The following REPS2 variants were observed in gnomAD, a reference collection of about 807,000 sequenced individuals.
REPS2 encodes RALBP1 associated Eps domain containing 2.
REPS2 carries 23 observed loss-of-function variants against 53.6 expected under a neutral mutation model. That is an observed-to-expected ratio of 0.43 (90% CI 0.31 to 0.61). The LOEUF is 0.61. Ranked by LOEUF, REPS2 falls within the 20% of genes least tolerant of loss-of-function variation. REPS2 has a pLI of 0.11. For missense variants in REPS2, 446 were observed against 534.9 expected (o/e 0.83, Z 1.64); for synonymous variants, 238 against 218.6 (o/e 1.09, Z -0.78).
intron 17 of REPS2, 151 bp downstream of exon 17, chrX:17,139,112 T>A (rs2063411008): frequency 2.8e-6 from 1 of 361,428 alleles, no homozygotes; most frequent in Non-Finnish European, 4.7e-6. Context: ...AGTGATCTGA[T>A]GTGTCCATTG....
chrX:17,105,917 C>CTTGTGATA (rs774894276), intron 14 of REPS2, among the ~76,000 whole-genome samples: 17 of 111,949 alleles, frequency 1.5e-4, no homozygotes, highest in African/African-American at 3.9e-4. Context: ...TAGTCTTTCC[C>CTTGTGATA]AAACTGCTTG....
At chrX:17,087,828 G>A (rs1453125629) in intron 13 of REPS2, among the ~76,000 whole-genome samples, 3 of 110,445 alleles carry the variant, frequency 2.7e-5, no homozygotes, top group Non-Finnish European at 5.7e-5. Flanking sequence ...CCAGCTATTC[G>A]GGAGGCTTAG....
At chrX:17,018,097 A>G (rs938027786) in intron 2 of REPS2, among the ~76,000 whole-genome samples, 6 of 111,775 alleles carry the variant, frequency 5.4e-5, no homozygotes, top group Non-Finnish European at 9.4e-5. Context: ...AAATATAGTC[A>G]CATTGTTGGG....
At chrX:17,031,597 T>C (rs944404571) in intron 5 of REPS2, among the ~76,000 whole-genome samples, 1 of 112,049 alleles carries the variant, frequency 8.9e-6, no homozygotes, top group African/African-American at 3.2e-5. Context: ...AGTAAATGTA[T>C]AATTATGATA....
intron 1 of REPS2, among the ~76,000 whole-genome samples, chrX:16,977,165 T>G (rs2060965271): frequency 9.0e-6 from 1 of 111,654 alleles, no homozygotes; most frequent in African/African-American, 3.3e-5. Context: ...TTTGGCTTCT[T>G]GCTCTTGGGA....
Position 17,052,460 on chromosome X carries a change from T to C in REPS2, c.971+15T>C. ...TCCTATATATGGTAAGTACAATTAA[T>C]GCCATATGACATTCATACCATCATC... On this transcript the variant is annotated intron_variant, in intron 7 of 17. Coordinates refer to ENST00000357277, the MANE Select transcript of REPS2 (RefSeq NM_004726.3). 1.7e-6 allele frequency: 2 copies of C among 1,146,701 alleles called. No homozygotes were observed. Among genetic ancestry groups the C allele is most frequent in the Non-Finnish European group, 2.4e-6 (2 of 843,748 alleles). 94.5% of individuals were successfully genotyped at this position (1,146,701 alleles called of 1,213,427 possible).
chrX:17,033,304 ATCC>A (rs2061729464), intron 5 of REPS2, among the ~76,000 whole-genome samples: 1 of 110,203 alleles, frequency 9.1e-6, no homozygotes, highest in Admixed American at 9.7e-5. Flanking sequence ...ATTTGTTTCA[ATCC>A]TCCTTCCTCT....
chrX:17,142,443 C>T (rs6632956), intron 17 of REPS2, among the ~76,000 whole-genome samples: 16 of 111,501 alleles, frequency 1.4e-4, no homozygotes, highest in East Asian at 2.8e-4. Context: ...TTGCAAAACA[C>T]GTATTTGATA....
rs2062641742 is a variant in REPS2 at position 17,093,166 on chromosome X, C to CTATATATATATGTATA, written c.1517-10541_1517-10540insGTATATATATATATAT. 3.8e-4 allele frequency among the ~76,000 whole-genome samples: 15 copies of CTATATATATATGTATA among 39,106 alleles called. 1 individual carries two copies. In the South Asian group the frequency reaches 0.031, roughly 80 times the overall value. The allele number at this position is 39,106 out of a possible 115,157, so 34.0% of individuals were successfully genotyped here. ...ACAAGGAAAAATGCATGAGTTAATG[C>CTATATATATATGTATA]TATATATATATATATATATATATAT... On this transcript the variant is annotated intron_variant, in intron 13 of 17. Coordinates refer to ENST00000357277, the MANE Select transcript of REPS2 (RefSeq NM_004726.3).
intron 14 of REPS2, among the ~76,000 whole-genome samples, chrX:17,111,974 A>AT (rs34840382): frequency 2.3e-3 from 246 of 104,689 alleles, no homozygotes; most frequent in African/African-American, 6.7e-3. Context: ...TGGAAAGAGG[A>AT]TTTTTTTTTT....
In REPS2 at chrX:17,133,812, C is replaced by G; in HGVS notation, c.1579-12C>G. ...TTTGCATTTCTGTCCTCTCTCTGAT[C>G]TCTTGCTACAGTCTGAACAAGTGTC... On this transcript the variant is annotated splice_polypyrimidine_tract_variant and intron_variant, in intron 14 of 17. Coordinates refer to ENST00000357277, the MANE Select transcript of REPS2 (RefSeq NM_004726.3). 3 of 1,199,036 alleles carry G rather than the reference C, an allele frequency of 2.5e-6. No individual in the cohort carries two copies. The highest frequency in any genetic ancestry group is 3.4e-6 in the Non-Finnish European group (3 of 884,021).
chrX:17,101,353 C>T (rs1238394667), intron 13 of REPS2, among the ~76,000 whole-genome samples: 9 of 111,074 alleles, frequency 8.1e-5, no homozygotes, highest in Non-Finnish European at 1.1e-4. Context: ...TGAGCCATCG[C>T]GCCAGGCCTC....
At chrX:17,177,483 A>G in the REPS2 span, among the ~76,000 whole-genome samples, 2 of 111,813 alleles carry the variant, frequency 1.8e-5, no homozygotes, top group African/African-American at 6.5e-5. Flanking sequence ...CCTTGCCAAG[A>G]ATAGAGAGAA....
chrX:17,051,024 C>T (rs1602821377), intron 6 of REPS2, among the ~76,000 whole-genome samples: 3 of 111,619 alleles, frequency 2.7e-5, no homozygotes, highest in African/African-American at 6.5e-5. Flanking sequence ...CTACCCCTCA[C>T]AGCCTCTGGT....
chrX:17,093,200 A>ATATATATAT (rs61196590), intron 13 of REPS2, among the ~76,000 whole-genome samples: 56 of 15,548 alleles, frequency 3.6e-3, no homozygotes, highest in South Asian at 5.6e-3. Flanking sequence ...ATATATATAT[A>ATATATATAT]ATTTTTTTTT....
chrX:16,976,243 T>C (rs1051056798), intron 1 of REPS2, among the ~76,000 whole-genome samples: 1 of 111,971 alleles, frequency 8.9e-6, no homozygotes, highest in Non-Finnish European at 1.9e-5. Flanking sequence ...TTCTGGATTT[T>C]GGCATGAGTT....
At chrX:16,974,887 C>G (rs951850997) in intron 1 of REPS2, among the ~76,000 whole-genome samples, 2 of 109,896 alleles carry the variant, frequency 1.8e-5, no homozygotes, top group Admixed American at 1.9e-4. Context: ...CTCCAATAGG[C>G]CTCAGTGTCT....
intron 1 of REPS2, among the ~76,000 whole-genome samples, chrX:16,990,558 T>C (rs967664334): frequency 1.9e-5 from 2 of 105,407 alleles, no homozygotes; most frequent in African/African-American, 7.0e-5. Context: ...TGTAGTGAGC[T>C]GAGATTGTGC....
chrX:17,086,389 C>T (rs2062536897), intron 13 of REPS2, among the ~76,000 whole-genome samples: 1 of 112,441 alleles, frequency 8.9e-6, no homozygotes, highest in Non-Finnish European at 1.9e-5. Flanking sequence ...TCCCAGCGAC[C>T]TTTCAAATAA....
Sources: gnomAD v4.1 joint callset for allele counts (sites outside exome capture counted in the v4.1 genomes callset) on GRCh38, gnomAD v4.1.1 for gene constraint, MANE v1.5 for transcripts, NCBI Gene and HGNC (gene_info 2026-07-23, HGNC 2026-07-21) for gene names.